The following SHANK2 variants were observed in gnomAD, a reference collection of about 807,000 sequenced individuals.
The protein encoded by SHANK2 is SH3 and multiple ankyrin repeat domains 2.
A neutral mutation model predicts 133.7 loss-of-function variants in SHANK2; 43 were observed. The observed-to-expected ratio is 0.32, with a 90% CI of 0.25 to 0.41. The LOEUF (loss-of-function observed/expected upper bound fraction) is 0.41. SHANK2 is among the 10% of genes least tolerant of loss of function. The pLI is 1.00. For synonymous variants in SHANK2, 1,017 were observed against 952.8 expected, an observed-to-expected ratio of 1.07 and a Z score of -1.24; for missense variants, 1,994 against 2,235.8, an observed-to-expected ratio of 0.89 and a Z score of 2.18.
chr11:70,492,623 C>T (rs1319825772), intron 21 of SHANK2, among the ~76,000 whole-genome samples, 158 bp from the exon 22 acceptor site: 1 of 152,160 alleles, frequency 6.6e-6, no homozygotes, highest in Admixed American at 6.5e-5. Context: ...CTGCCACATG[C>T]ATTCCCACTG....
chr11:70,769,861 T>C (rs1371510191), intron 14 of SHANK2, among the ~76,000 whole-genome samples: 10 of 152,104 alleles, frequency 6.6e-5, no homozygotes, highest in African/African-American at 2.4e-4. Context: ...CATCTGCTAC[T>C]CAATGAGGTC....
intron 17 of SHANK2, among the ~76,000 whole-genome samples, chr11:70,519,009 A>G (rs1428035467): frequency 6.6e-6 from 1 of 152,174 alleles, no homozygotes; most frequent in Non-Finnish European, 1.5e-5. Context: ...TCCTGGGCTC[A>G]AGCGATCCTC....
intron 14 of SHANK2, among the ~76,000 whole-genome samples, chr11:70,772,324 T>G (rs544343675): frequency 1.3e-5 from 2 of 151,084 alleles, no homozygotes; most frequent in African/African-American, 4.9e-5. Context: ...CCTGTAATCC[T>G]AGCTACTCGG....
intron 14 of SHANK2, among the ~76,000 whole-genome samples, chr11:70,720,217 G>A (rs1032629399): frequency 7.2e-5 from 11 of 152,194 alleles, no homozygotes; most frequent in Non-Finnish European, 1.6e-4. Flanking sequence ...GCACACACGT[G>A]CTTATAAACT....
rs57180024 is a variant in SHANK2 at position 70,613,763 on chromosome 11, G to GTTT, written c.2061+46062_2061+46064dup. 2.1e-4 allele frequency among the ~76,000 whole-genome samples: 26 copies of GTTT among 123,774 alleles called. 8 individuals are homozygous for GTTT. The highest frequency in any genetic ancestry group is 7.7e-4 in the South Asian group (3 of 3,884). 81.2% of individuals were successfully genotyped at this position (123,774 alleles called of 152,430 possible). Reference sequence around the variant, plus strand: ...TGTCCTTGTAAGAAGAGGGGAACTTGTTTTTTTTTTTTTTTCTTTGAGATG... The same window carrying GTTT: ...TGTCCTTGTAAGAAGAGGGGAACTTGTTTTTTTTTTTTTTTTTTCTTTGAGATG... On this transcript the variant is annotated intron_variant, in intron 17 of 25. Coordinates refer to ENST00000601538, the MANE Select transcript of SHANK2 (RefSeq NM_012309.5).
chr11:70,918,238 C>G (rs1555080178), intron 10 of SHANK2, among the ~76,000 whole-genome samples: 1 of 152,150 alleles, frequency 6.6e-6, no homozygotes, highest in Non-Finnish European at 1.5e-5. Flanking sequence ...GGGCGGGGGC[C>G]TAGGGAAGAA....
At chr11:70,871,990 G>A (rs1025247177) in intron 11 of SHANK2, among the ~76,000 whole-genome samples, 2 of 152,092 alleles carry the variant, frequency 1.3e-5, no homozygotes, top group African/African-American at 4.8e-5. Context: ...ACAGCCCCAC[G>A]ACGACATCCC....
intron 15 of SHANK2, among the ~76,000 whole-genome samples, chr11:70,695,577 C>A (rs1331611217): frequency 6.6e-6 from 1 of 152,204 alleles, no homozygotes; most frequent in Non-Finnish European, 1.5e-5. Context: ...TTGGGCAGTA[C>A]CATCCTCACC....
intron 1 of SHANK2, among the ~76,000 whole-genome samples, chr11:71,241,186 T>C (rs1341103845): frequency 2.6e-5 from 4 of 152,076 alleles, no homozygotes; most frequent in African/African-American, 7.2e-5. Context: ...CAGCCCTGCA[T>C]AGAAGAATGT....
intron 2 of SHANK2, among the ~76,000 whole-genome samples, chr11:71,222,645 G>A (rs1400130230): frequency 3.9e-5 from 6 of 152,204 alleles, no homozygotes; most frequent in Admixed American, 1.3e-4. Flanking sequence ...TCCAAGCTCC[G>A]AGGAAGCCAA....
In SHANK2 at chr11:70,717,774, G is replaced by A. The variant is rs558073430; in HGVS notation, c.1778-19011C>T. Among the ~76,000 whole-genome samples the A allele has an allele frequency of 5.3e-5, 8 of 151,834 alleles. No individual in the cohort carries two copies. In the South Asian group the frequency reaches 6.2e-4, roughly 12 times the overall value. The stretch of plus-strand genomic sequence containing the variant: ...CGGGGTCTCCACGGAGACTGAGTCC[G>A]TGGGGCGGCCTCATCTACTACTGCC... On this transcript the variant is annotated intron_variant, in intron 14 of 25. Transcript: ENST00000601538.
chr11:70,655,383 C>T (rs1555011324), intron 17 of SHANK2, among the ~76,000 whole-genome samples: 1 of 152,202 alleles, frequency 6.6e-6, no homozygotes, highest in Non-Finnish European at 1.5e-5. Context: ...GGAATTCCAC[C>T]TTCTCCACTC....
At position 70,927,020 on chromosome 11, in the gene SHANK2, C is replaced by T. The variant is rs557650725; in HGVS notation, c.1108-30453G>A. Among the ~76,000 whole-genome samples the T allele has an allele frequency of 8.5e-5, 13 of 152,138 alleles. No homozygotes were observed. The South Asian group carries it at 1.0e-3, about 12-fold the overall frequency. On this transcript the variant is annotated intron_variant, in intron 10 of 25. Coordinates refer to ENST00000601538, the MANE Select transcript of SHANK2 (RefSeq NM_012309.5). ...CCACCTGCTTAAAACAGGCAAAAGC[C>T]GGTGATCAGAATCTCTGCCGCACGA...
At position 70,804,536 on chromosome 11, in the gene SHANK2, G is replaced by A. The variant is rs954264391; in HGVS notation, c.1663+2466C>T. 5.9e-5 allele frequency among the ~76,000 whole-genome samples: 9 copies of A among 152,158 alleles called. No individual in the cohort carries two copies. The highest frequency in any genetic ancestry group is 2.1e-4 in the South Asian group (1 of 4,820). On this transcript the variant is annotated intron_variant, in intron 13 of 25. Transcript: ENST00000601538. The surrounding 1 kb of genome is among the most constrained non-coding windows in gnomAD (Gnocchi z 4.1). The stretch of plus-strand genomic sequence containing the variant: ...AGGCCCAGCTCCCCGCACGCCCCAC[G>A]CTCCTGCGAGGGGCGGGTTCCAGTC...
Position 71,167,440 on chromosome 11 carries a change from C to T in SHANK2, c.-12-20102G>A, listed in dbSNP as rs551188017. 9.8e-3 allele frequency among the ~76,000 whole-genome samples: 1,388 copies of T among 141,408 alleles called. 10 individuals are homozygous for T. The highest frequency in any genetic ancestry group is 0.017 in the Non-Finnish European group (1,089 of 64,612). 92.8% of individuals were successfully genotyped at this position (141,408 alleles called of 152,430 possible). A position where few individuals can be genotyped will look rare whatever the true frequency, so the allele number is the denominator to read the frequency against. ...TGACCCCCCCCACCTCCCTCCCAGA[C>T]GGGGCGGCTGGCCGGGCAGAGGGGC... On this transcript the variant is annotated intron_variant, in intron 2 of 25. Transcript: ENST00000601538.
At chr11:70,885,592 G>A (rs1369495541) in intron 11 of SHANK2, among the ~76,000 whole-genome samples, 1 of 152,176 alleles carries the variant, frequency 6.6e-6, no homozygotes, top group African/African-American at 2.4e-5. Context: ...ATGGGGCAAG[G>A]GTGTGGACAG....
At chr11:71,128,055 C>A (rs1952225296) in intron 3 of SHANK2, among the ~76,000 whole-genome samples, 1 of 152,214 alleles carries the variant, frequency 6.6e-6, no homozygotes, top group Non-Finnish European at 1.5e-5. Flanking sequence ...GAGCTGACCA[C>A]TGGGCACCTT....
At chr11:71,079,858 AAGGGAGGGGAG>A (rs1951271375) in intron 8 of SHANK2, among the ~76,000 whole-genome samples, 1 of 76,458 alleles carries the variant, frequency 1.3e-5, no homozygotes, top group Non-Finnish European at 2.4e-5. Flanking sequence ...AGGGGAGGGG[AAGGGAGGGGAG>A]GGGAAGGGAG....
intron 11 of SHANK2, among the ~76,000 whole-genome samples, chr11:70,842,105 C>T (rs887768729): frequency 1.6e-4 from 24 of 152,166 alleles, no homozygotes; most frequent in African/African-American, 5.8e-4. Flanking sequence ...CATGCTTGTT[C>T]AAATCACGAA....
Sources: allele counts gnomAD v4.1 joint callset (sites outside exome capture counted in the v4.1 genomes callset), GRCh38; gene constraint gnomAD v4.1.1; non-coding constraint Gnocchi (gnomAD v3.1); transcripts MANE v1.5; gene names NCBI Gene and HGNC (gene_info 2026-07-23, HGNC 2026-07-21).